Variants in CSMD3 observed in about 807,000 individuals in gnomAD.
CSMD3 encodes the protein CUB and Sushi multiple domains 3, also known as CUB and sushi domain-containing protein 3.
Under a neutral mutation model 435.2 loss-of-function variants are expected in CSMD3, and 177 were observed. That is an observed-to-expected ratio of 0.41 (90% CI 0.36 to 0.46). The LOEUF is 0.46. Ranked by LOEUF, CSMD3 falls within the 20% of genes least tolerant of loss-of-function variation. The pLI is 0.34. For synonymous variants in CSMD3, 1,656 were observed against 1,520.5 expected, an observed-to-expected ratio of 1.09 and a Z score of -2.07; for missense variants, 4,265 against 4,504.6, an observed-to-expected ratio of 0.95 and a Z score of 1.52.
At chr8:113,173,685 G>A (rs2131889317) in intron 4 of CSMD3, 37 bp downstream of exon 4, 1 of 1,494,764 alleles carries the variant, frequency 6.7e-7, no homozygotes, top group Non-Finnish European at 9.3e-7. Flanking sequence ...TACACTGGCT[G>A]ATAACAACTC....
chr8:112,366,998 A>G (rs1306999220), intron 38 of CSMD3, among the ~76,000 whole-genome samples: 2 of 151,854 alleles, frequency 1.3e-5, no homozygotes, highest in East Asian at 1.9e-4. Flanking sequence ...CTATAATTCA[A>G]TTTTTCTCTA....
chr8:113,252,161 T>C (rs548900984), intron 3 of CSMD3, among the ~76,000 whole-genome samples: 12 of 152,236 alleles, frequency 7.9e-5, no homozygotes, highest in South Asian at 2.1e-4. Context: ...TATGAATCTT[T>C]TATCTGTTAG....
intron 10 of CSMD3, among the ~76,000 whole-genome samples, chr8:112,887,350 T>TTTATCTTTTA (rs1488217485): frequency 6.6e-6 from 1 of 151,118 alleles, no homozygotes; most frequent in East Asian, 2.0e-4. Flanking sequence ...TTTTTAACAA[T>TTTATCTTTTA]TCTGGTTTAC....
At chr8:113,100,417 C>T (rs1014356788) in intron 4 of CSMD3, among the ~76,000 whole-genome samples, 9 of 152,050 alleles carry the variant, frequency 5.9e-5, no homozygotes, top group South Asian at 2.1e-4. Context: ...CACTTCTATT[C>T]TTTCCCTTCT....
intron 1 of CSMD3, among the ~76,000 whole-genome samples, chr8:113,413,628 T>C (rs530115672): frequency 1.3e-5 from 2 of 152,254 alleles, no homozygotes; most frequent in African/African-American, 4.8e-5. Flanking sequence ...AATAATACTA[T>C]ACAAAAGAAG....
intron 3 of CSMD3, among the ~76,000 whole-genome samples, chr8:113,259,330 G>T (rs2093408154): frequency 6.6e-6 from 1 of 152,102 alleles, no homozygotes; most frequent in Non-Finnish European, 1.5e-5. Context: ...AATTGTACTA[G>T]TAGATGAGAT....
intron 4 of CSMD3, among the ~76,000 whole-genome samples, chr8:113,149,292 C>T (rs1564367267): frequency 6.6e-6 from 1 of 151,826 alleles, no homozygotes; most frequent in Non-Finnish European, 1.5e-5. Flanking sequence ...CAGCCAAATT[C>T]CTAACATAGG....
intron 10 of CSMD3, among the ~76,000 whole-genome samples, chr8:112,891,993 T>C (rs1429083915): frequency 1.3e-5 from 2 of 151,540 alleles, no homozygotes; most frequent in Non-Finnish European, 3.0e-5. Context: ...AAAAGTCTTA[T>C]GATCTTTATC....
chr8:112,845,495 C>T (rs938222197), intron 11 of CSMD3, among the ~76,000 whole-genome samples: 6 of 151,998 alleles, frequency 3.9e-5, no homozygotes, highest in African/African-American at 7.2e-5. Context: ...ACAGAAGGAG[C>T]GGCTTATCCC....
At position 112,492,195 on chromosome 8, in the gene CSMD3, G is replaced by A. The variant is rs1012982257; in HGVS notation, c.5278+294C>T. ...TTTTCTGAGCACCTAACGTTTTCAGGTGCAAGTCCTGAAGGCACACAAATT... is the reference window on the plus strand; with the variant it reads ...TTTTCTGAGCACCTAACGTTTTCAGATGCAAGTCCTGAAGGCACACAAATT... On this transcript the variant is annotated intron_variant, in intron 31 of 70. Transcript: ENST00000297405. Among the ~76,000 whole-genome samples, 10 of 152,024 alleles carry A rather than the reference G, an allele frequency of 6.6e-5. 1 individual carries two copies. Among genetic ancestry groups the A allele is most frequent in the Admixed American group, 6.6e-4 (10 of 15,252 alleles).
intron 1 of CSMD3, among the ~76,000 whole-genome samples, chr8:113,316,861 A>G (rs1164870393): frequency 1.3e-5 from 2 of 152,062 alleles, no homozygotes; most frequent in African/African-American, 4.8e-5. Context: ...ACAGCTACAT[A>G]CTTTGGAGCA....
chr8:112,749,236 T>A (rs1032710065), intron 13 of CSMD3, among the ~76,000 whole-genome samples: 3 of 152,174 alleles, frequency 2.0e-5, no homozygotes, highest in Middle Eastern at 3.2e-3. Context: ...AGATCCTGGA[T>A]ATTACACCTT....
chr8:113,153,130 A>AG (rs1554791261), intron 4 of CSMD3, among the ~76,000 whole-genome samples: 2 of 82,736 alleles, frequency 2.4e-5, no homozygotes, highest in African/African-American at 1.3e-4. Context: ...AGAAAGAGAA[A>AG]GAAGGAAGGA....
chr8:112,617,411 TA>T (rs1394575007), intron 22 of CSMD3, among the ~76,000 whole-genome samples: 1 of 152,170 alleles, frequency 6.6e-6, no homozygotes, highest in Admixed American at 6.5e-5. Context: ...AAAACACAAG[TA>T]AAATCTTTGT....
chr8:112,433,635 C>G (rs1305198348), intron 32 of CSMD3, among the ~76,000 whole-genome samples: 7 of 94,238 alleles, frequency 7.4e-5, no homozygotes, highest in African/African-American at 2.6e-4. Context: ...TCAGCCTAAG[C>G]AACACTGAGA....
rs547891637 is a variant in CSMD3, at chr8:112,828,610, T to A, written c.1859+1076A>T. Among the ~76,000 whole-genome samples, 6 of 152,304 alleles carry A rather than the reference T, an allele frequency of 3.9e-5. No individual in the cohort carries two copies. The South Asian group carries it at 1.2e-3, about 32-fold the overall frequency. On this transcript the variant is annotated intron_variant, in intron 12 of 70. Coordinates refer to ENST00000297405, the MANE Select transcript of CSMD3 (RefSeq NM_198123.2). ...TGTGGAAATGAAAGTAAATTAAACCTCTTTTCTTCATAAATAATCCAGTCT... is the reference window on the plus strand; with the variant it reads ...TGTGGAAATGAAAGTAAATTAAACCACTTTTCTTCATAAATAATCCAGTCT...
intron 23 of CSMD3, among the ~76,000 whole-genome samples, chr8:112,582,510 A>G (rs1317970527): frequency 6.6e-6 from 1 of 152,006 alleles, no homozygotes; most frequent in Non-Finnish European, 1.5e-5. Flanking sequence ...GAAGAGTGGC[A>G]GGAGAAAATG....
chr8:112,495,128 ATTTG>A (rs1319765921), intron 30 of CSMD3, among the ~76,000 whole-genome samples: 1 of 152,180 alleles, frequency 6.6e-6, no homozygotes, highest in African/African-American at 2.4e-5. Context: ...GCAAGGGTTG[ATTTG>A]TTTATTTATA....
intron 24 of CSMD3, among the ~76,000 whole-genome samples, chr8:112,566,917 A>C (rs560721952): frequency 6.6e-6 from 1 of 152,190 alleles, no homozygotes; most frequent in East Asian, 1.9e-4. Context: ...CCTGTCTATA[A>C]AATCTGGTGT....
Sources: allele counts gnomAD v4.1 joint callset (sites outside exome capture counted in the v4.1 genomes callset), GRCh38; gene constraint gnomAD v4.1.1; transcripts MANE v1.5; gene names NCBI Gene and HGNC (gene_info 2026-07-23, HGNC 2026-07-21).